Variants in ECM2 observed in about 807,000 individuals in gnomAD.
ECM2 encodes the protein extracellular matrix protein 2.
In ECM2, 57 loss-of-function variants were observed where a neutral mutation model predicts 67.5. The observed-to-expected ratio is 0.84, with a 90% CI of 0.68 to 1.05. The LOEUF (loss-of-function observed/expected upper bound fraction) is 1.05. ECM2 is among the 50% of genes least tolerant of loss of function. The pLI is 0.00. For missense variants in ECM2, 741 were observed against 822.8 expected (o/e 0.90, Z 1.22); for synonymous variants, 258 against 294.5 (o/e 0.88, Z 1.27).
chr9:92,496,267 C>T lies in ECM2; in HGVS notation c.*48G>A. On this transcript the variant is annotated 3_prime_UTR_variant, in exon 10 of 10. Transcript: ENST00000344604. Reference sequence around the variant, plus strand: ...CTCTTATTAATGACAAATGCAGCTACTACAAATACATGAGTAAAGTTTATA... The same window carrying T: ...CTCTTATTAATGACAAATGCAGCTATTACAAATACATGAGTAAAGTTTATA... 1 of 1,530,678 alleles carries T rather than the reference C, an allele frequency of 6.5e-7. No individual in the cohort carries two copies. Among genetic ancestry groups the T allele is most frequent in the South Asian group, 1.4e-5 (1 of 74,006 alleles). 94.8% of individuals were successfully genotyped at this position (1,530,678 alleles called of 1,614,324 possible).
chr9:92,543,502 A>AT, the ECM2 span, among the ~76,000 whole-genome samples: 1 of 128,400 alleles, frequency 7.8e-6, no homozygotes. Context: ...AAAAAAAAAG[A>AT]TTGCATTAGC....
At chr9:92,523,079 C>CT (rs80216324) in intron 1 of ECM2, among the ~76,000 whole-genome samples, 186 bp from the exon 2 acceptor site, 5,709 of 144,428 alleles carry the variant, frequency 0.04, 141 homozygotes, top group South Asian at 0.077. Context: ...AATCAAAAAA[C>CT]TTTTTTTTTT....
In ECM2 at chr9:92,513,410, A is replaced by T. The variant is rs551178609; in HGVS notation, c.1054+1221T>A. The stretch of plus-strand genomic sequence containing the variant: ...TGTGGGGCATTTTCTTATAAACTTA[A>T]ACATGTATTTACCATATCCGCAGTC... On this transcript the variant is annotated intron_variant, in intron 4 of 9. Transcript: ENST00000344604. 5.3e-5 allele frequency among the ~76,000 whole-genome samples: 8 copies of T among 152,308 alleles called. 1 individual carries two copies. In the South Asian group the frequency reaches 1.5e-3, roughly 28 times the overall value.
intron 1 of ECM2, among the ~76,000 whole-genome samples, chr9:92,527,133 C>T (rs367799522): frequency 6.6e-6 from 1 of 152,104 alleles, no homozygotes; most frequent in Non-Finnish European, 1.5e-5. Flanking sequence ...CTCAGCCTCC[C>T]GAGTAGCTGG....
In ECM2 at chr9:92,517,846, T is replaced by C; in HGVS notation, c.322A>G (p.Ile108Val). ...GKKGHCLVKGITMYNKAVWSP... is the reference protein window; with the variant it reads ...GKKGHCLVKGVTMYNKAVWSP... The stretch of plus-strand genomic sequence containing the variant: ...CACACAGCTTTGTTGTACATGGTTA[T>C]GCCCTTTACCAAACAGTGTCCCTTC... The change falls in exon 3 of 10, where the codon ATA becomes GTA. Residue 108 changes from isoleucine to valine, a missense_variant. Physicochemically the swap from Ile to Val is conservative, Grantham distance 29. Transcript: ENST00000344604. 3 of 1,614,206 alleles carry C rather than the reference T, an allele frequency of 1.9e-6. No individual in the cohort carries two copies. Among genetic ancestry groups the C allele is most frequent in the Non-Finnish European group, 2.5e-6 (3 of 1,180,040 alleles).
the ECM2 span, among the ~76,000 whole-genome samples, chr9:92,551,849 A>G: frequency 7.3e-5 from 11 of 149,878 alleles, no homozygotes; most frequent in African/African-American, 2.4e-4. Flanking sequence ...TGGTGTGTGT[A>G]TATATATATA....
chr9:92,536,369 T>A (rs1259291130), upstream of ECM2, among the ~76,000 whole-genome samples: 1 of 152,156 alleles, frequency 6.6e-6, no homozygotes, highest in Non-Finnish European at 1.5e-5. Flanking sequence ...TTTATCAGAT[T>A]ATAGGGATGA....
chr9:92,534,970 C>T (rs1463861475), intron 1 of ECM2, among the ~76,000 whole-genome samples: 1 of 152,154 alleles, frequency 6.6e-6, no homozygotes, highest in East Asian at 1.9e-4. Context: ...CTGAGGCATC[C>T]TGAAAGCACT....
chr9:92,532,261 A>C (rs963204590), intron 1 of ECM2, among the ~76,000 whole-genome samples: 2 of 149,072 alleles, frequency 1.3e-5, no homozygotes, highest in South Asian at 2.1e-4. Context: ...TTTTTCTCTC[A>C]CTGTTTTTAA....
the ECM2 span, among the ~76,000 whole-genome samples, chr9:92,546,167 G>C: frequency 6.6e-6 from 1 of 152,326 alleles, no homozygotes; most frequent in East Asian, 1.9e-4. Context: ...CTAGCTCAGC[G>C]ATTGTAAACG....
the ECM2 span, among the ~76,000 whole-genome samples, chr9:92,544,973 C>T: frequency 4.0e-3 from 616 of 152,322 alleles, 3 homozygotes; most frequent in Non-Finnish European, 7.4e-3. Flanking sequence ...CCACCCGCCT[C>T]AGCCCGCTCC....
intron 9 of ECM2, among the ~76,000 whole-genome samples, chr9:92,498,472 AGAC>A (rs1392561699): frequency 2.0e-5 from 3 of 152,062 alleles, no homozygotes; most frequent in African/African-American, 7.2e-5. Context: ...TATTAAAAAA[AGAC>A]AATCATAGAA....
At chr9:92,540,294 C>T (rs1849286382), upstream of ECM2, among the ~76,000 whole-genome samples, 1 of 152,002 alleles carries the variant, frequency 6.6e-6, no homozygotes, top group Non-Finnish European at 1.5e-5. Context: ...AAAACTTAGC[C>T]AGGCAAGGTG....
At chr9:92,539,838 C>T (rs1849276628), upstream of ECM2, among the ~76,000 whole-genome samples, 1 of 152,174 alleles carries the variant, frequency 6.6e-6, no homozygotes, top group South Asian at 2.1e-4. Context: ...ACAACTCATT[C>T]AACCATTCCC....
At chr9:92,548,384 C>T in the ECM2 span, among the ~76,000 whole-genome samples, 1 of 152,152 alleles carries the variant, frequency 6.6e-6, no homozygotes, top group Non-Finnish European at 1.5e-5. Flanking sequence ...GCAAAGGGAA[C>T]AAAAGGATAC....
intron 1 of ECM2, among the ~76,000 whole-genome samples, chr9:92,531,084 T>G (rs1848719757): frequency 6.6e-6 from 1 of 152,120 alleles, no homozygotes; most frequent in Non-Finnish European, 1.5e-5. Context: ...GTTTAACAAT[T>G]TTTGTCTTTT....
At chr9:92,515,841 A>G (rs1174694756) in intron 3 of ECM2, among the ~76,000 whole-genome samples, 4 of 152,218 alleles carry the variant, frequency 2.6e-5, no homozygotes, top group Non-Finnish European at 4.4e-5. Context: ...TACAAATGAC[A>G]TTCTGGACTT....
At position 92,500,773 on chromosome 9, in the gene ECM2, C is replaced by A. The variant is rs2131151305; in HGVS notation, c.1885G>T (p.Glu629Ter). The A allele has an allele frequency of 6.2e-7, 1 of 1,614,068 alleles. No homozygotes were observed. Among genetic ancestry groups the A allele is most frequent in the East Asian group, 2.2e-5 (1 of 44,886 alleles). The change falls in exon 9 of 10, where the codon GAA (glutamate) becomes TAA (stop). Residue 629 changes from glutamate to a stop codon, truncating the protein, a stop_gained. Coordinates refer to ENST00000344604, the MANE Select transcript of ECM2 (RefSeq NM_001393.4). LOFTEE classifies it high-confidence loss of function. ...DLKSIPPGIQEMKALHFLRLN... is the reference protein window; with the variant it reads ...DLKSIPPGIQ The stretch of plus-strand genomic sequence containing the variant: ...CTCAGAAAATGTAGTGCTTTCATTT[C>A]TTGTATCCCAGGTGGTATAGATTTT...
chr9:92,525,405 A>G (rs1034912155), intron 1 of ECM2, among the ~76,000 whole-genome samples: 3 of 152,248 alleles, frequency 2.0e-5, no homozygotes, highest in African/African-American at 7.2e-5. Context: ...CAAAGAAAGT[A>G]CAGTCATGTA....
Sources: gnomAD v4.1 joint callset for allele counts (sites outside exome capture counted in the v4.1 genomes callset) on GRCh38, gnomAD v4.1.1 for gene constraint, MANE v1.5 for transcripts, NCBI Gene and HGNC (gene_info 2026-07-23, HGNC 2026-07-21) for gene names.